The following TBCA variants were observed in gnomAD, a reference collection of about 807,000 sequenced individuals.
TBCA encodes the protein tubulin folding cofactor A, also known as tubulin-specific chaperone A.
Under a neutral mutation model 15.8 loss-of-function variants are expected in TBCA, and 6 were observed. That is an observed-to-expected ratio of 0.38 (90% CI 0.21 to 0.75). TBCA has a LOEUF of 0.75. Ranked by LOEUF, TBCA falls within the 30% of genes least tolerant of loss-of-function variation. The probability of loss-of-function intolerance (pLI) is 0.46; values close to 1 mark genes in which losing one functional copy is unlikely to be tolerated. For missense variants in TBCA, 90 were observed against 131.2 expected, an observed-to-expected ratio of 0.69 and a Z score of 1.53; for synonymous variants, 32 against 42.3, an observed-to-expected ratio of 0.76 and a Z score of 0.94.
At chr5:77,693,969 A>T in intron 2 of TBCA, among the ~76,000 whole-genome samples, 1 of 152,246 alleles carries the variant, frequency 6.6e-6, no homozygotes. Context: ...GCTATTTAAA[A>T]TAAACTATTT....
intron 1 of TBCA, among the ~76,000 whole-genome samples, chr5:77,728,456 A>T (rs1486238434): frequency 1.3e-5 from 2 of 152,184 alleles, no homozygotes; most frequent in African/African-American, 4.8e-5. Flanking sequence ...CAGCAAGCTG[A>T]TAAAAGGAAC....
Position 77,766,492 on chromosome 5 carries a change from TTTTA to T in TBCA, c.53+9709_53+9712del, listed in dbSNP as rs200134095. ...TTTTCTCCATTTCTAAGTCTCTCAC[TTTTA>T]TTTATTTATTTATTTATTTTTTTTT... On this transcript the variant is annotated intron_variant, in intron 1 of 3. Transcript: ENST00000380377. 6.5e-4 allele frequency among the ~76,000 whole-genome samples: 73 copies of T among 111,826 alleles called. 21 individuals carry two copies. The highest frequency in any genetic ancestry group is 2.4e-3 in the African/African-American group (72 of 30,170). The allele number at this position is 111,826 out of a possible 152,430, so 73.4% of individuals were successfully genotyped here. A position where few individuals can be genotyped will look rare whatever the true frequency, so the allele number is the denominator to read the frequency against.
intron 1 of TBCA, among the ~76,000 whole-genome samples, chr5:77,759,566 G>T (rs1001269632): frequency 6.6e-6 from 1 of 152,152 alleles, no homozygotes; most frequent in African/African-American, 2.4e-5. Context: ...CAAAGCAAGA[G>T]ATAAAAAATT....
At chr5:77,711,771 T>C (rs191397029) in intron 1 of TBCA, among the ~76,000 whole-genome samples, 1 of 152,308 alleles carries the variant, frequency 6.6e-6, no homozygotes, top group East Asian at 1.9e-4. Flanking sequence ...TGTGCTTGTC[T>C]ATGGAAAACA....
At chr5:77,695,553 T>C (rs1745853977) in intron 2 of TBCA, among the ~76,000 whole-genome samples, 1 of 152,190 alleles carries the variant, frequency 6.6e-6, no homozygotes, top group Admixed American at 6.5e-5. Flanking sequence ...ATAAATCATA[T>C]ATTTTACCTT....
At chr5:77,723,636 C>T (rs1403534899) in intron 1 of TBCA, among the ~76,000 whole-genome samples, 2 of 151,898 alleles carry the variant, frequency 1.3e-5, no homozygotes, top group African/African-American at 4.8e-5. Context: ...AAAAAAAATA[C>T]CTGTAGTCCA....
chr5:77,700,030 C>CAAAAAAAAA (rs67790719), intron 2 of TBCA, among the ~76,000 whole-genome samples: 2 of 86,088 alleles, frequency 2.3e-5, no homozygotes, highest in Non-Finnish European at 4.2e-5. Context: ...GGCTCTGACT[C>CAAAAAAAAA]AAAAAAAAAA....
chr5:77,698,712 C>T (rs907988801), intron 2 of TBCA, among the ~76,000 whole-genome samples: 3 of 152,186 alleles, frequency 2.0e-5, no homozygotes, highest in South Asian at 2.1e-4. Flanking sequence ...CAACACCACA[C>T]AAAGACAGCA....
chr5:77,775,247 G>A (rs1177965111), intron 1 of TBCA, among the ~76,000 whole-genome samples: 3 of 152,190 alleles, frequency 2.0e-5, no homozygotes, highest in Non-Finnish European at 4.4e-5. Context: ...TAAGGCATAA[G>A]TGACTATTCT....
chr5:77,719,667 A>G (rs1351211547), intron 1 of TBCA, among the ~76,000 whole-genome samples: 3 of 152,244 alleles, frequency 2.0e-5, no homozygotes, highest in Non-Finnish European at 4.4e-5. Flanking sequence ...GATGCATGTC[A>G]AACATAAAAT....
intron 1 of TBCA, among the ~76,000 whole-genome samples, chr5:77,730,309 A>C (rs1746736051): frequency 6.6e-6 from 1 of 152,188 alleles, no homozygotes; most frequent in Non-Finnish European, 1.5e-5. Context: ...GAAGACAGAG[A>C]TAGAGATTGG....
Position 77,691,389 on chromosome 5 carries a change from T to C in TBCA, c.*29A>G. On this transcript the variant is annotated 3_prime_UTR_variant, in exon 4 of 4. Coordinates refer to ENST00000380377, the MANE Select transcript of TBCA (RefSeq NM_004607.3). Reference sequence around the variant, plus strand: ...TTGTAAAATGGACCCCAGGATTTAATGCAAAAACCACCCCATACGAGAAAA... The same window carrying C: ...TTGTAAAATGGACCCCAGGATTTAACGCAAAAACCACCCCATACGAGAAAA... 2 of 1,578,132 alleles carry C rather than the reference T, an allele frequency of 1.3e-6. No individual in the cohort carries two copies. The highest frequency in any genetic ancestry group is 1.2e-5 in the South Asian group (1 of 85,944).
intron 3 of TBCA, chr5:77,692,815 C>T (rs1745784952): frequency 1.1e-5 from 12 of 1,060,116 alleles, no homozygotes; most frequent in Non-Finnish European, 1.4e-5. Context: ...ACATAGATTA[C>T]CAGGTTTTTT....
At chr5:77,775,888 C>T (rs1302607832) in intron 1 of TBCA, among the ~76,000 whole-genome samples, 2 of 152,206 alleles carry the variant, frequency 1.3e-5, no homozygotes, top group Admixed American at 6.5e-5. Flanking sequence ...GGGATCAGGG[C>T]CCGGCCCGCC....
chr5:77,691,436 T>C lies in TBCA; in HGVS notation c.309A>G (p.Ser103=), dbSNP rs1383605981. 1.9e-6 allele frequency: 3 copies of C among 1,597,648 alleles called. No homozygotes were observed. Among genetic ancestry groups the C allele is most frequent in the Non-Finnish European group, 2.6e-6 (3 of 1,176,298 alleles). Residue 103 remains serine (S), a synonymous_variant, in exon 4 of 4, where the codon TCA becomes TCG. Transcript: ENST00000380377. Reference sequence around the variant, plus strand: ...AAAAGTTTCAGGCTTCTAACTTCACTGAATCCAGTACTAAACGTGCTTCTT... The same window carrying C: ...AAAAGTTTCAGGCTTCTAACTTCACCGAATCCAGTACTAAACGTGCTTCTT... ...EYKEARLVLD[S]VKLEA
chr5:77,765,376 C>T (rs465540), intron 1 of TBCA, among the ~76,000 whole-genome samples: 129,552 of 152,154 alleles, frequency 0.85, 55,688 homozygotes, highest in Non-Finnish European at 0.92. Flanking sequence ...GCCTAGTAAA[C>T]AGAACAAATA....
intron 1 of TBCA, among the ~76,000 whole-genome samples, chr5:77,760,547 C>T (rs920218131): frequency 6.6e-5 from 10 of 152,286 alleles, no homozygotes; most frequent in South Asian, 4.1e-4. Flanking sequence ...CTCGGCCTGC[C>T]GAGTGCCTAG....
At chr5:77,750,846 C>T (rs1385598948) in intron 1 of TBCA, among the ~76,000 whole-genome samples, 1 of 152,152 alleles carries the variant, frequency 6.6e-6, no homozygotes, top group Non-Finnish European at 1.5e-5. Context: ...GTAAAATTTA[C>T]ATTGGTTTGA....
chr5:77,773,816 T>C (rs1487333429), intron 1 of TBCA, among the ~76,000 whole-genome samples: 1 of 152,244 alleles, frequency 6.6e-6, no homozygotes, highest in Non-Finnish European at 1.5e-5. Context: ...TTGGTTTCTT[T>C]AGTAGACATT....
Sources: allele counts gnomAD v4.1 joint callset (sites outside exome capture counted in the v4.1 genomes callset), GRCh38; gene constraint gnomAD v4.1.1; transcripts MANE v1.5; gene names NCBI Gene and HGNC (gene_info 2026-07-23, HGNC 2026-07-21).